The following DDRGK1 variants were observed in gnomAD, a reference collection of about 807,000 sequenced individuals.
DDRGK1 encodes DDRGK domain-containing protein 1.
DDRGK1 carries 38 observed loss-of-function variants against 45.8 expected under a neutral mutation model. That is an observed-to-expected ratio of 0.83 (90% CI 0.64 to 1.09). The LOEUF (loss-of-function observed/expected upper bound fraction) is 1.09, where lower values mean the gene tolerates loss of function less well. Among genes scored for constraint, DDRGK1 ranks in the 50% least tolerant of loss-of-function variants. DDRGK1 has a pLI of 0.00. For synonymous variants in DDRGK1, 171 were observed against 168.7 expected, an observed-to-expected ratio of 1.01 and a Z score of -0.11; for missense variants, 403 against 419.9, an observed-to-expected ratio of 0.96 and a Z score of 0.35.
chr20:3,191,801 CA>C lies in DDRGK1; in HGVS notation c.692del (p.Leu231TrpfsTer16). On this transcript the variant is annotated frameshift_variant, in exon 7 of 9. Coordinates refer to ENST00000354488, the MANE Select transcript of DDRGK1 (RefSeq NM_023935.3). LOFTEE classifies it high-confidence loss of function. ...GGCCCACCTGGGAAGCCAGGTCTTC[CA>C]AGAGCACAACCTTGGACTGCTACAA... ...NYIKQSKVVL[L>X]EDLASQVGLR... 1 of 1,608,464 alleles carries C rather than the reference CA, an allele frequency of 6.2e-7. No individual in the cohort carries two copies. The highest frequency in any genetic ancestry group is 8.5e-7 in the Non-Finnish European group (1 of 1,177,458).
chr20:3,192,238 C>T (rs2066992811), intron 6 of DDRGK1, among the ~76,000 whole-genome samples: 1 of 152,134 alleles, frequency 6.6e-6, no homozygotes, highest in African/African-American at 2.4e-5. Flanking sequence ...CGGTGAGAGT[C>T]ACCAAAAGCT....
At chr20:3,198,821 A>T (rs957678677) in intron 4 of DDRGK1, among the ~76,000 whole-genome samples, 3 of 143,912 alleles carry the variant, frequency 2.1e-5, no homozygotes, top group African/African-American at 7.8e-5. Flanking sequence ...GGAAAAGAAA[A>T]AGGATACTGG....
At chr20:3,203,083 C>G (rs1012259966) in intron 2 of DDRGK1, 130 bp downstream of exon 2, 14 of 854,692 alleles carry the variant, frequency 1.6e-5, no homozygotes, top group Non-Finnish European at 2.4e-5. Flanking sequence ...CCCCCCTACT[C>G]TACCGTGTGG....
rs1424920731 is a variant in DDRGK1 at position 3,200,397 on chromosome 20, C to T, written c.353G>A (p.Gly118Glu). 2 of 1,583,908 alleles carry T rather than the reference C, an allele frequency of 1.3e-6. No homozygotes were observed. Among genetic ancestry groups the T allele is most frequent in the African/African-American group, 1.3e-5 (1 of 74,322 alleles). Residue 118 changes from glycine to glutamate, a missense_variant, in exon 3 of 9, where the codon GGA (glycine) becomes GAA (glutamate). By Grantham distance (98) the Gly-to-Glu change is moderately conservative (BLOSUM62 -2). Transcript: ENST00000354488. ...CTCCAGCTTCCGCAGTTTCTTAGCT[C>T]CAATTTTCCCCGACAGGTGAGTTTC... ...PAETHLSGKIGAKKLRKLEEK... is the reference protein window; with the variant it reads ...PAETHLSGKIEAKKLRKLEEK...
In DDRGK1 at chr20:3,200,379, T is replaced by C; in HGVS notation, c.371A>G (p.Lys124Arg). 6.3e-7 allele frequency: 1 copy of C among 1,578,386 alleles called. No individual in the cohort carries two copies. The highest frequency in any genetic ancestry group is 8.6e-7 in the Non-Finnish European group (1 of 1,161,650). Residue 124 changes from lysine to arginine, a missense_variant, in exon 3 of 9, where the codon AAG becomes AGG. Physicochemically the swap from Lys to Arg is conservative, Grantham distance 26. Coordinates refer to ENST00000354488, the MANE Select transcript of DDRGK1 (RefSeq NM_023935.3). ...CTTTCGCGCTTGTTTCTCCTCCAGC[T>C]TCCGCAGTTTCTTAGCTCCAATTTT... ...SGKIGAKKLR[K>R]LEEKQARKAQ...
In DDRGK1 at chr20:3,195,222, C is replaced by G. The variant is rs1269041879; in HGVS notation, c.633+9G>C. The stretch of plus-strand genomic sequence containing the variant: ...GCAGAGAGGGGCTTCCCAGGGGCAG[C>G]AGGCCCACCTGTTCCTCAGTCATGG... On this transcript the variant is annotated intron_variant, in intron 5 of 8. Transcript: ENST00000354488. The G allele has an allele frequency of 1.2e-6, 2 of 1,613,918 alleles. No individual in the cohort carries two copies. The highest frequency in any genetic ancestry group is 1.7e-6 in the Non-Finnish European group (2 of 1,179,964).
intron 4 of DDRGK1, among the ~76,000 whole-genome samples, chr20:3,196,127 T>A (rs894989746): frequency 6.6e-6 from 1 of 152,208 alleles, no homozygotes; most frequent in African/African-American, 2.4e-5. Flanking sequence ...ACGGTCCATG[T>A]GACACAGCTA....
intron 2 of DDRGK1, among the ~76,000 whole-genome samples, chr20:3,200,818 G>C (rs1007560508): frequency 2.0e-5 from 3 of 151,454 alleles, no homozygotes; most frequent in African/African-American, 7.3e-5. Context: ...TCTACTAAAA[G>C]TACAAAAAAG....
intron 2 of DDRGK1, among the ~76,000 whole-genome samples, chr20:3,202,431 G>A (rs750037256): frequency 1.5e-4 from 23 of 152,176 alleles, no homozygotes; most frequent in Admixed American, 6.5e-5. Flanking sequence ...CAATCGTCAG[G>A]AGTTGCTGAG....
intron 4 of DDRGK1, among the ~76,000 whole-genome samples, chr20:3,197,698 G>A (rs775853115): frequency 6.8e-4 from 103 of 152,140 alleles, no homozygotes; most frequent in Middle Eastern, 6.8e-3. Flanking sequence ...GGGAGGCTGA[G>A]GTGGGTGGAT....
Position 3,203,226 on chromosome 20 carries a change from T to C in DDRGK1, c.282A>G (p.Glu94=). 6.3e-7 allele frequency: 1 copy of C among 1,587,564 alleles called. No homozygotes were observed. ...GGCCCCTCTCACCTAGGATGACAGC[T>C]TCCTCCTCGTTCTCATCTGCTTCTG... ...AWAEADENEE[E]AVILAQEEEG... is the part of the protein sequence containing the mutation. Residue 94 remains glutamate (E), a synonymous_variant, in exon 2 of 9, where the codon GAA becomes GAG. Coordinates refer to ENST00000354488, the MANE Select transcript of DDRGK1 (RefSeq NM_023935.3).
At chr20:3,194,716 C>T in intron 6 of DDRGK1, 114 bp downstream of exon 6, 1 of 1,402,294 alleles carries the variant, frequency 7.1e-7, no homozygotes, top group Non-Finnish European at 9.9e-7. Flanking sequence ...CTGGGCCCCC[C>T]TGTCCACTCC....
intron 4 of DDRGK1, 134 bp from the exon 5 acceptor site, chr20:3,195,487 C>T (rs148650011): frequency 7.1e-6 from 9 of 1,276,344 alleles, no homozygotes; most frequent in Non-Finnish European, 9.5e-6. Flanking sequence ...CCTTCAGGAC[C>T]CCCATTTCTC....
At chr20:3,199,047 C>G (rs547904604) in intron 4 of DDRGK1, among the ~76,000 whole-genome samples, 2 of 149,356 alleles carry the variant, frequency 1.3e-5, no homozygotes, top group East Asian at 4.0e-4. Flanking sequence ...CTCGCAGGGA[C>G]GGGGAACTGA....
intron 5 of DDRGK1, 24 bp from the exon 6 acceptor site, chr20:3,194,892 T>C: frequency 2.5e-6 from 4 of 1,613,402 alleles, no homozygotes; most frequent in African/African-American, 1.3e-5. Flanking sequence ...GAAATCAGGG[T>C]GAGCACCCCC....
intron 2 of DDRGK1, 86 bp from the exon 3 acceptor site, chr20:3,200,540 A>C (rs1448357686): frequency 2.5e-6 from 3 of 1,203,388 alleles, no homozygotes; most frequent in Non-Finnish European, 3.6e-6. Context: ...CCCTCCCCTA[A>C]CAGGGGGATC....
At chr20:3,196,770 G>C (rs1419127245) in intron 4 of DDRGK1, among the ~76,000 whole-genome samples, 1 of 152,050 alleles carries the variant, frequency 6.6e-6, no homozygotes, top group African/African-American at 2.4e-5. Flanking sequence ...GAAACTAAGT[G>C]CTCAAAAAAC....
chr20:3,191,900 A>G, intron 6 of DDRGK1, 79 bp from the exon 7 acceptor site: 1 of 1,439,250 alleles, frequency 6.9e-7, no homozygotes, highest in Non-Finnish European at 9.4e-7. Context: ...CCAGGTTTGC[A>G]TTCTGATCTG....
At chr20:3,191,990 C>CACAT (rs1323358650) in intron 6 of DDRGK1, among the ~76,000 whole-genome samples, 169 bp from the exon 7 acceptor site, 2 of 150,932 alleles carry the variant, frequency 1.3e-5, no homozygotes, top group Non-Finnish European at 2.9e-5. Flanking sequence ...CACACACACA[C>CACAT]ACACACACAC....
Sources: gnomAD v4.1 joint callset for allele counts (sites outside exome capture counted in the v4.1 genomes callset) on GRCh38, gnomAD v4.1.1 for gene constraint, MANE v1.5 for transcripts, NCBI Gene and HGNC (gene_info 2026-07-23, HGNC 2026-07-21) for gene names.